PTCD2: variants seen among roughly 807,000 people sequenced by gnomAD.
The protein encoded by PTCD2 is pentatricopeptide repeat-containing protein 2, mitochondrial.
Under a neutral mutation model 42.6 loss-of-function variants are expected in PTCD2, and 31 were observed. That is an observed-to-expected ratio of 0.73 (90% CI 0.55 to 0.98). The LOEUF (loss-of-function observed/expected upper bound fraction) is 0.98. Ranked by LOEUF, PTCD2 falls within the 50% of genes least tolerant of loss-of-function variation. PTCD2 has a pLI of 0.00. For missense variants in PTCD2, 476 were observed against 454.8 expected, an observed-to-expected ratio of 1.05 and a Z score of -0.42; for synonymous variants, 183 against 170.9, an observed-to-expected ratio of 1.07 and a Z score of -0.55.
intron 2 of PTCD2, among the ~76,000 whole-genome samples, chr5:72,325,218 C>T (rs371909248): frequency 2.0e-5 from 3 of 152,144 alleles, no homozygotes; most frequent in East Asian, 3.9e-4. Flanking sequence ...CCACTGCACC[C>T]GGCCTCTTAA....
Position 72,358,685 on chromosome 5 carries a change from G to C in PTCD2, c.*258G>C, listed in dbSNP as rs2112244345. On this transcript the variant is annotated 3_prime_UTR_variant, in exon 10 of 10. Coordinates refer to ENST00000380639, the MANE Select transcript of PTCD2 (RefSeq NM_024754.5). ...GGCTGAGGATCCTTGAAGGAACCTG[G>C]TCAGTCTCCGGTTCAGCTTCCGACA... 2.0e-6 allele frequency: 1 copy of C among 506,436 alleles called. No individual in the cohort carries two copies. The highest frequency in any genetic ancestry group is 3.3e-5 in the Admixed American group (1 of 30,118). 31.4% of individuals were successfully genotyped at this position (506,436 alleles called of 1,614,324 possible).
intron 7 of PTCD2, among the ~76,000 whole-genome samples, chr5:72,340,187 C>T (rs1206239185): frequency 6.6e-6 from 1 of 152,094 alleles, no homozygotes; most frequent in Non-Finnish European, 1.5e-5. Context: ...GACTTTAAAA[C>T]CATAGTTTTG....
intron 7 of PTCD2, among the ~76,000 whole-genome samples, chr5:72,342,184 G>A (rs1271161388): frequency 1.3e-5 from 2 of 152,222 alleles, no homozygotes; most frequent in African/African-American, 4.8e-5. Context: ...CCAGAGCACT[G>A]TTCTAGACTA....
chr5:72,334,959 G>C, intron 4 of PTCD2, 59 bp from the exon 5 acceptor site: 1 of 1,035,796 alleles, frequency 9.7e-7, no homozygotes, highest in Non-Finnish European at 1.5e-6. Context: ...GACAGTAAAA[G>C]TACCTCCTCA....
chr5:72,335,871 A>C lies in PTCD2; in HGVS notation c.625A>C (p.Ile209Leu). The C allele has an allele frequency of 6.2e-7, 1 of 1,610,222 alleles. No individual in the cohort carries two copies. Among genetic ancestry groups the C allele is most frequent in the Non-Finnish European group, 8.5e-7 (1 of 1,176,518 alleles). The part of the protein sequence containing the change: ...TKDTYVLAFA[I>L]CYKLNSPESF... The stretch of plus-strand genomic sequence containing the variant: ...AGATACCTATGTTCTTGCTTTTGCA[A>C]TTTGCTACAAACTGGTAAGACTCTT... The change falls in exon 6 of 10, where the codon ATT (isoleucine) becomes CTT (leucine). Residue 209 changes from isoleucine to leucine, a missense_variant. Ile to Leu is a conservative substitution (Grantham distance 5). Coordinates refer to ENST00000380639, the MANE Select transcript of PTCD2 (RefSeq NM_024754.5).
chr5:72,339,328 A>G (rs1333011020), intron 7 of PTCD2, among the ~76,000 whole-genome samples: 3 of 152,236 alleles, frequency 2.0e-5, no homozygotes, highest in Non-Finnish European at 4.4e-5. Flanking sequence ...GAGATTTCCT[A>G]TTCCAGAGCC....
At chr5:72,350,853 C>T (rs142113153) in intron 8 of PTCD2, among the ~76,000 whole-genome samples, 4 of 152,216 alleles carry the variant, frequency 2.6e-5, no homozygotes, top group African/African-American at 9.6e-5. Flanking sequence ...GGATCAAGAG[C>T]CTTAAAAATG....
At position 72,366,679 on chromosome 5, in the gene PTCD2, T is replaced by C. The variant is rs1482601504; in HGVS notation, c.*8252T>C. The C allele has an allele frequency of 6.6e-6, 1 of 152,126 alleles. No individual in the cohort carries two copies. The highest frequency in any genetic ancestry group is 2.1e-4 in the South Asian group (1 of 4,826). The allele number at this position is 152,126 out of a possible 1,614,324, so 9.4% of individuals were successfully genotyped here. A position where few individuals can be genotyped will look rare whatever the true frequency, so the allele number is the denominator to read the frequency against. On this transcript the variant is annotated 3_prime_UTR_variant, in exon 10 of 10. Coordinates refer to ENST00000380639, the MANE Select transcript of PTCD2 (RefSeq NM_024754.5). ...AGGAAAGGTAGCTGTAGATAGACTT[T>C]AGGGAGTATATAGAATATTGCCTTC...
At chr5:72,329,800 C>A (rs1751341650) in intron 3 of PTCD2, among the ~76,000 whole-genome samples, 1 of 152,126 alleles carries the variant, frequency 6.6e-6, no homozygotes, top group Non-Finnish European at 1.5e-5. Context: ...CTCATCATCA[C>A]ACAAGTAGAA....
At position 72,363,314 on chromosome 5, in the gene PTCD2, C is replaced by T. The variant is rs576392407; in HGVS notation, c.*4887C>T. On this transcript the variant is annotated 3_prime_UTR_variant, in exon 10 of 10. Transcript: ENST00000380639. ...TTGTTAAAATACAGATTGATGGGCC[C>T]CACCCCCAGAATATCTGATTCCATA... The T allele has an allele frequency of 2.7e-4, 41 of 152,332 alleles. No homozygotes were observed. The highest frequency in any genetic ancestry group is 4.3e-4 in the Non-Finnish European group (29 of 68,036). The allele number at this position is 152,332 out of a possible 1,614,324, so 9.4% of individuals were successfully genotyped here. A position where few individuals can be genotyped will look rare whatever the true frequency, so the allele number is the denominator to read the frequency against.
chr5:72,348,694 AGT>A (rs1417933459), intron 8 of PTCD2, among the ~76,000 whole-genome samples: 1 of 152,264 alleles, frequency 6.6e-6, no homozygotes, highest in African/African-American at 2.4e-5. Context: ...AGCAGAGACC[AGT>A]GCAGGGTAAC....
At chr5:72,342,835 T>G in intron 7 of PTCD2, 127 bp from the exon 8 acceptor site, 2 of 438,088 alleles carry the variant, frequency 4.6e-6, no homozygotes, top group South Asian at 7.5e-5. Context: ...TTCCGAAACA[T>G]TTTATCTTTG....
rs56232576 is a variant in PTCD2, at chr5:72,354,175, G to A, written c.942+1421G>A. On this transcript the variant is annotated intron_variant, in intron 9 of 9. Transcript: ENST00000380639. ...AATCCCAGCACTTTGGGAGGCTGAG[G>A]CAGGCGGATCATGAGGTCAGGAGAT... Among the ~76,000 whole-genome samples, 1,369 of 152,144 alleles carry A rather than the reference G, an allele frequency of 9.0e-3. 33 individuals are homozygous for A. The highest frequency in any genetic ancestry group is 0.032 in the African/African-American group (1,314 of 41,516).
At chr5:72,353,090 T>A (rs1229810226) in intron 9 of PTCD2, among the ~76,000 whole-genome samples, 1 of 152,234 alleles carries the variant, frequency 6.6e-6, no homozygotes, top group Non-Finnish European at 1.5e-5. Context: ...CACTTTTCAC[T>A]CTCAGTTGAT....
In PTCD2 at chr5:72,358,244, T is replaced by C; in HGVS notation, c.984T>C (p.Leu328=). 1 of 1,614,108 alleles carries C rather than the reference T, an allele frequency of 6.2e-7. No individual in the cohort carries two copies. The highest frequency in any genetic ancestry group is 8.5e-7 in the Non-Finnish European group (1 of 1,179,988). ...VREKVKDVPA[L]VAKFDEIYGT... ...AAAAAGTGAAGGATGTGCCTGCCCT[T>C]GTGGCCAAATTTGATGAGATCTATG... The change falls in exon 10 of 10, where the codon CTT becomes CTC. Residue 328 remains leucine, a synonymous_variant. Coordinates refer to ENST00000380639, the MANE Select transcript of PTCD2 (RefSeq NM_024754.5).
rs1279987710 is a variant in PTCD2 at position 72,368,325 on chromosome 5, C to T, written c.*9898C>T. ...GTCTTTGAGTAGAAGAGTTGGCAAG[C>T]AAGCTGGACTAAATGGGCCATGTGC... On this transcript the variant is annotated 3_prime_UTR_variant, in exon 10 of 10. Coordinates refer to ENST00000380639, the MANE Select transcript of PTCD2 (RefSeq NM_024754.5). The T allele has an allele frequency of 6.6e-6, 1 of 152,194 alleles. No individual in the cohort carries two copies. The highest frequency in any genetic ancestry group is 2.4e-5 in the African/African-American group (1 of 41,440). The allele number at this position is 152,194 out of a possible 1,614,324, so 9.4% of individuals were successfully genotyped here. A position where few individuals can be genotyped will look rare whatever the true frequency, so the allele number is the denominator to read the frequency against.
intron 5 of PTCD2, 80 bp from the exon 6 acceptor site, chr5:72,335,714 A>G: frequency 1.3e-6 from 1 of 743,626 alleles, no homozygotes; most frequent in Non-Finnish European, 2.3e-6. Context: ...TTTTCTGTAG[A>G]TGGTGCTGAA....
chr5:72,346,403 C>T (rs1580177136), intron 8 of PTCD2, among the ~76,000 whole-genome samples: 1 of 152,238 alleles, frequency 6.6e-6, no homozygotes, highest in East Asian at 1.9e-4. Flanking sequence ...GAGGAAGCAC[C>T]AGAAAAGAGA....
At position 72,358,265 on chromosome 5, in the gene PTCD2, C is replaced by T; in HGVS notation, c.1005C>T (p.Ile335=). The change falls in exon 10 of 10, where the codon ATC becomes ATT. Residue 335 remains isoleucine, a synonymous_variant. Coordinates refer to ENST00000380639, the MANE Select transcript of PTCD2 (RefSeq NM_024754.5). ...CCCTTGTGGCCAAATTTGATGAGATCTATGGGACACTGCACATCACTGGCC... is the reference window on the plus strand; with the variant it reads ...CCCTTGTGGCCAAATTTGATGAGATTTATGGGACACTGCACATCACTGGCC... ...VPALVAKFDE[I]YGTLHITGQV... 1 of 1,614,076 alleles carries T rather than the reference C, an allele frequency of 6.2e-7. No homozygotes were observed. Among genetic ancestry groups the T allele is most frequent in the Non-Finnish European group, 8.5e-7 (1 of 1,180,004 alleles).
Sources: gnomAD v4.1 joint callset for allele counts (sites outside exome capture counted in the v4.1 genomes callset) on GRCh38, gnomAD v4.1.1 for gene constraint, MANE v1.5 for transcripts, NCBI Gene and HGNC (gene_info 2026-07-23, HGNC 2026-07-21) for gene names.